ATP2B4: variants seen among roughly 807,000 people sequenced by gnomAD.
ATP2B4 encodes the protein plasma membrane calcium-transporting ATPase 4.
A neutral mutation model predicts 110.3 loss-of-function variants in ATP2B4; 39 were observed. That is an observed-to-expected ratio of 0.35 (90% CI 0.27 to 0.46). The LOEUF (loss-of-function observed/expected upper bound fraction) is 0.46. ATP2B4 is among the 20% of genes least tolerant of loss of function. The pLI is 1.00. For synonymous variants in ATP2B4, 538 were observed against 571.7 expected (o/e 0.94, Z 0.84); for missense variants, 1,135 against 1,530.9 (o/e 0.74, Z 4.32).
Position 203,743,281 on chromosome 1 carries a change from C to G in ATP2B4, c.*3427C>G, listed in dbSNP as rs1667029140. On this transcript the variant is annotated 3_prime_UTR_variant, in exon 21 of 21. Transcript: ENST00000357681. The stretch of plus-strand genomic sequence containing the variant: ...CTTACAATTGAAGCAGCCCGTGGTA[C>G]CATCACAGTATGCAGAGACTTCCTC... 3.3e-5 allele frequency: 5 copies of G among 152,662 alleles called. No homozygotes were observed. The highest frequency in any genetic ancestry group is 3.3e-4 in the Admixed American group (5 of 15,286). 9.5% of individuals were successfully genotyped at this position (152,662 alleles called of 1,614,324 possible).
chr1:203,663,752 A>G (rs1664419115), intron 1 of ATP2B4, among the ~76,000 whole-genome samples: 1 of 152,006 alleles, frequency 6.6e-6, no homozygotes, highest in African/African-American at 2.4e-5. Flanking sequence ...CTACAGGCAC[A>G]TGCTACCACA....
At chr1:203,686,701 TTTTTTTTTTTA>T in intron 2 of ATP2B4, among the ~76,000 whole-genome samples, 1 of 137,090 alleles carries the variant, frequency 7.3e-6, no homozygotes, top group African/African-American at 2.8e-5. Context: ...TTTTTTTTTT[TTTTTTTTTTTA>T]GAAGGAGTTT....
intron 8 of ATP2B4, among the ~76,000 whole-genome samples, chr1:203,705,048 T>C (rs1376495836): frequency 6.6e-6 from 1 of 152,210 alleles, no homozygotes; most frequent in Non-Finnish European, 1.5e-5. Flanking sequence ...ACTCACCACA[T>C]GTGGCTGCTG....
intron 20 of ATP2B4, chr1:203,729,669 C>A (rs1378044421): frequency 8.0e-7 from 1 of 1,256,068 alleles, no homozygotes; most frequent in African/African-American, 1.5e-5. Flanking sequence ...GGCTGCCTCA[C>A]CTATCCAGGG....
rs184360877 is a variant in ATP2B4 at position 203,640,556 on chromosome 1, C to G, written c.-465+13337C>G. 2.3e-3 allele frequency among the ~76,000 whole-genome samples: 355 copies of G among 152,160 alleles called. 1 individual carries two copies. The highest frequency in any genetic ancestry group is 8.2e-3 in the African/African-American group (342 of 41,496). On this transcript the variant is annotated intron_variant, in intron 1 of 20. Transcript: ENST00000357681. The stretch of plus-strand genomic sequence containing the variant: ...CCCAGGCTGGTCTCAAACTCCTGGT[C>G]TCAAGCAATCTGCCCACCTTGGCCC...
Position 203,699,060 on chromosome 1 carries a change from C to T in ATP2B4, c.392-400C>T, listed in dbSNP as rs1455361668. Reference sequence around the variant, plus strand: ...AGAGTGCTGGGATTGCAGGTGTGAACCAACACCCCCAGCCAGGAATTCTCT... The same window carrying T: ...AGAGTGCTGGGATTGCAGGTGTGAATCAACACCCCCAGCCAGGAATTCTCT... On this transcript the variant is annotated intron_variant, in intron 3 of 20. Transcript: ENST00000357681. Among the ~76,000 whole-genome samples the T allele has an allele frequency of 2.6e-5, 4 of 152,250 alleles. No homozygotes were observed. The South Asian group carries it at 6.2e-4, about 24-fold the overall frequency.
chr1:203,710,499 G>T (rs912533818), intron 11 of ATP2B4, among the ~76,000 whole-genome samples: 1 of 152,182 alleles, frequency 6.6e-6, no homozygotes, highest in Non-Finnish European at 1.5e-5. Context: ...GCACATTCTT[G>T]TATAGGAAAC....
intron 1 of ATP2B4, among the ~76,000 whole-genome samples, chr1:203,646,554 A>G (rs912272853): frequency 6.6e-6 from 1 of 152,158 alleles, no homozygotes; most frequent in Non-Finnish European, 1.5e-5. Context: ...ACCTGAGGTC[A>G]GTGTTCAAGA....
intron 6 of ATP2B4, 102 bp downstream of exon 6, chr1:203,701,025 G>C: frequency 7.0e-7 from 1 of 1,420,350 alleles, no homozygotes; most frequent in Non-Finnish European, 9.4e-7. Context: ...GGAAGAATCT[G>C]CTGCCATGAA....
At chr1:203,630,531 G>C (rs1170347888) in intron 1 of ATP2B4, among the ~76,000 whole-genome samples, 1 of 151,948 alleles carries the variant, frequency 6.6e-6, no homozygotes, top group Non-Finnish European at 1.5e-5. Context: ...GACAAACCCC[G>C]TTAGCCAAAC....
At chr1:203,700,678 A>G in intron 5 of ATP2B4, 120 bp from the exon 6 acceptor site, 1 of 1,374,314 alleles carries the variant, frequency 7.3e-7, no homozygotes, top group Non-Finnish European at 1.0e-6. Context: ...TACTGTGCTA[A>G]GCACATCATT....
chr1:203,720,534 C>G lies in ATP2B4; in HGVS notation c.2407-15C>G. On this transcript the variant is annotated splice_polypyrimidine_tract_variant and intron_variant, in intron 15 of 20. Coordinates refer to ENST00000357681, the MANE Select transcript of ATP2B4 (RefSeq NM_001684.5). ...TATCCACTCCCTCACTGTTTTCCCTCCCATCTTACCTCAGGGCATCGCAGG... is the reference window on the plus strand; with the variant it reads ...TATCCACTCCCTCACTGTTTTCCCTGCCATCTTACCTCAGGGCATCGCAGG... 1 of 1,586,542 alleles carries G rather than the reference C, an allele frequency of 6.3e-7. No individual in the cohort carries two copies. Among genetic ancestry groups the G allele is most frequent in the Non-Finnish European group, 8.6e-7 (1 of 1,165,906 alleles).
At chr1:203,732,125 C>G (rs1233523291) in intron 20 of ATP2B4, among the ~76,000 whole-genome samples, 1 of 139,628 alleles carries the variant, frequency 7.2e-6, no homozygotes, top group Non-Finnish European at 1.5e-5. Context: ...TGCAGTGAGC[C>G]GAGATCGCAC....
intron 20 of ATP2B4, chr1:203,729,491 G>A: frequency 2.6e-6 from 1 of 381,230 alleles, no homozygotes; most frequent in East Asian, 7.2e-5. Flanking sequence ...GTTGCAGTGA[G>A]CTGAGATCGC....
At chr1:203,719,993 G>T (rs370334776) in intron 15 of ATP2B4, among the ~76,000 whole-genome samples, 1 of 152,054 alleles carries the variant, frequency 6.6e-6, no homozygotes, top group Non-Finnish European at 1.5e-5. Context: ...GATCATTGGA[G>T]CCCCAGATGT....
intron 1 of ATP2B4, 90 bp from the exon 2 acceptor site, chr1:203,682,652 T>C (rs1439978476): frequency 6.6e-6 from 1 of 152,612 alleles, no homozygotes; most frequent in Non-Finnish European, 1.5e-5. Context: ...CCCTTGTGCT[T>C]AGACTGGGTA....
chr1:203,653,985 A>ATATATATATATAT (rs1426863910), intron 1 of ATP2B4, among the ~76,000 whole-genome samples: 171 of 112,352 alleles, frequency 1.5e-3, no homozygotes, highest in African/African-American at 6.3e-3. Flanking sequence ...ATATATATAT[A>ATATATATATATAT]TTTTTTTTTT....
intron 1 of ATP2B4, among the ~76,000 whole-genome samples, chr1:203,661,098 G>T (rs1297113640): frequency 6.6e-6 from 1 of 151,050 alleles, no homozygotes; most frequent in Admixed American, 6.6e-5. Context: ...CAACAAGAGA[G>T]AAACTTTGTC....
chr1:203,663,938 T>C (rs550424290), intron 1 of ATP2B4, among the ~76,000 whole-genome samples: 9 of 152,180 alleles, frequency 5.9e-5, no homozygotes, highest in African/African-American at 2.2e-4. Flanking sequence ...CCTTGTAGTA[T>C]GGAGTATGCC....
Sources: allele counts gnomAD v4.1 joint callset (sites outside exome capture counted in the v4.1 genomes callset), GRCh38; gene constraint gnomAD v4.1.1; transcripts MANE v1.5; gene names NCBI Gene and HGNC (gene_info 2026-07-23, HGNC 2026-07-21).